The following NIBAN2 variants were observed in gnomAD, a reference collection of about 807,000 sequenced individuals.
NIBAN2 encodes niban apoptosis regulator 2.
In NIBAN2, 36 loss-of-function variants were observed where a neutral mutation model predicts 81.8. The observed-to-expected ratio is 0.44, with a 90% CI of 0.34 to 0.58. The LOEUF is 0.58. Among genes scored for constraint, NIBAN2 ranks in the 20% least tolerant of loss-of-function variants. The probability of loss-of-function intolerance (pLI) is 0.02; values close to 1 mark genes in which losing one functional copy is unlikely to be tolerated. For missense variants in NIBAN2, 897 were observed against 1,014.1 expected (o/e 0.88, Z 1.57); for synonymous variants, 445 against 441.6 (o/e 1.01, Z -0.10).
chr9:127,531,905 TCG>T (rs1324969688), intron 1 of NIBAN2, 127 bp from the exon 2 acceptor site: 1 of 1,281,782 alleles, frequency 7.8e-7, no homozygotes, highest in African/African-American at 1.5e-5. Context: ...CACAGGCTCC[TCG>T]CGCTCATCTG....
upstream of NIBAN2, among the ~76,000 whole-genome samples, chr9:127,570,887 G>C (rs529532123): frequency 1.4e-4 from 21 of 152,376 alleles, no homozygotes; most frequent in African/African-American, 4.8e-4. Flanking sequence ...GAGAGGGAAA[G>C]TGACTTGCTA....
upstream of NIBAN2, among the ~76,000 whole-genome samples, chr9:127,569,829 T>G (rs1181364931): frequency 6.6e-6 from 1 of 152,214 alleles, no homozygotes; most frequent in South Asian, 2.1e-4. Flanking sequence ...GGGAGGCGGC[T>G]TGGGGGACAG....
intron 1 of NIBAN2, among the ~76,000 whole-genome samples, chr9:127,549,193 C>T (rs2132218616): frequency 6.6e-6 from 1 of 152,318 alleles, no homozygotes; most frequent in Middle Eastern, 3.4e-3. Context: ...AACTCGGATA[C>T]ACAAACCCCA....
rs541065290 is a variant in NIBAN2 at position 127,540,194 on chromosome 9, C to T, written c.56-8416G>A. On this transcript the variant is annotated intron_variant, in intron 1 of 13. Coordinates refer to ENST00000373312, the MANE Select transcript of NIBAN2 (RefSeq NM_022833.4). ...AATCTCTGATTTTCCAAACTGACAA[C>T]GTTAAGGGCCACGCTACTTCCTGTG... Among the ~76,000 whole-genome samples, 15 of 152,268 alleles carry T rather than the reference C, an allele frequency of 9.9e-5. No homozygotes were observed. In the East Asian group the frequency reaches 1.4e-3, roughly 14 times the overall value.
intron 1 of NIBAN2, among the ~76,000 whole-genome samples, chr9:127,565,738 G>A (rs1447054358): frequency 7.0e-6 from 1 of 142,562 alleles, no homozygotes; most frequent in African/African-American, 2.7e-5. Context: ...GGCTGAGATT[G>A]TGCCACTGGA....
At chr9:127,571,567 G>A (rs1166558530), upstream of NIBAN2, among the ~76,000 whole-genome samples, 3 of 152,278 alleles carry the variant, frequency 2.0e-5, no homozygotes, top group East Asian at 3.9e-4. Flanking sequence ...ATGGTGGCAC[G>A]CGCCTGTAGT....
At chr9:127,558,108 G>A (rs1014027036) in intron 1 of NIBAN2, among the ~76,000 whole-genome samples, 1 of 152,006 alleles carries the variant, frequency 6.6e-6, no homozygotes, top group African/African-American at 2.4e-5. Context: ...AGGGGAGTGT[G>A]GCTTTGGCTT....
chr9:127,576,839 A>G (rs1416491693), intron 1 of NIBAN2, among the ~76,000 whole-genome samples: 3 of 151,372 alleles, frequency 2.0e-5, no homozygotes, highest in South Asian at 2.1e-4. Flanking sequence ...AGCCTCCCCA[A>G]GTGCCACAAC....
intron 5 of NIBAN2, among the ~76,000 whole-genome samples, chr9:127,520,750 G>A (rs909292200): frequency 2.0e-5 from 3 of 152,108 alleles, no homozygotes; most frequent in Non-Finnish European, 2.9e-5. Context: ...CAGGTGTGGT[G>A]GCACACGCCT....
Position 127,531,732 on chromosome 9 carries a change from G to T in NIBAN2, c.102C>A (p.Asp34Glu). The change falls in exon 2 of 14, where the codon GAC becomes GAA. Residue 34 changes from aspartate (D) to glutamate (E), a missense_variant. Asp to Glu is a conservative substitution (Grantham distance 45). Around this residue, in one of 3 missense-constraint regions of NIBAN2, gnomAD observed 209 missense variants for 208.4 expected, o/e 1.00. Transcript: ENST00000373312. ...TGTTGAAGAGAGCCACGCCATACTG[G>T]TCTTCATAGAACTGGAGGAACTCCG... ...ILTEFLQFYE[D>E]QYGVALFNSM... 2.5e-6 allele frequency: 4 copies of T among 1,614,186 alleles called. No homozygotes were observed. The highest frequency in any genetic ancestry group is 3.4e-6 in the Non-Finnish European group (4 of 1,180,028).
intron 1 of NIBAN2, among the ~76,000 whole-genome samples, chr9:127,562,901 G>C (rs1337898877): frequency 2.0e-5 from 3 of 152,170 alleles, no homozygotes; most frequent in Admixed American, 2.0e-4. Context: ...ACCTGGGAGA[G>C]ATGTTTACTA....
intron 5 of NIBAN2, among the ~76,000 whole-genome samples, chr9:127,519,018 T>G (rs990813227): frequency 2.6e-5 from 4 of 151,508 alleles, no homozygotes; most frequent in African/African-American, 9.7e-5. Flanking sequence ...CTACTAAAAA[T>G]ACAAAAATTA....
Position 127,517,000 on chromosome 9 carries a change from T to C in NIBAN2, c.830A>G (p.His277Arg), listed in dbSNP as rs61742100. ...CGCCTTGGCCTGCTCGTACACCATG[T>C]GGTACACGGCGTCCGAGATCTGTGG... ...QWIQISDAVY[H>R]MVYEQAKARF... is the part of the protein sequence containing the mutation. Residue 277 changes from histidine to arginine, a missense_variant, in exon 8 of 14, where the codon CAC (histidine) becomes CGC (arginine). His to Arg is a conservative substitution (Grantham distance 29). This residue lies in a region of NIBAN2 where 619 missense variants were observed against 691.0 expected (regional missense o/e 0.90). Transcript: ENST00000373312. The C allele has an allele frequency of 2.2e-3, 3,581 of 1,613,808 alleles. 44 individuals are homozygous for C. The East Asian group carries it at 0.043, about 19-fold the overall frequency.
At chr9:127,542,048 T>C (rs1837389893) in intron 1 of NIBAN2, among the ~76,000 whole-genome samples, 1 of 152,152 alleles carries the variant, frequency 6.6e-6, no homozygotes, top group South Asian at 2.1e-4. Flanking sequence ...AAGTCCTGCC[T>C]ACTCCATCCT....
chr9:127,510,336 G>A lies in NIBAN2; in HGVS notation c.974-3C>T. 1.9e-6 allele frequency: 3 copies of A among 1,590,366 alleles called. No homozygotes were observed. Among genetic ancestry groups the A allele is most frequent in the Non-Finnish European group, 2.6e-6 (3 of 1,163,372 alleles). On this transcript the variant is annotated splice_region_variant and splice_polypyrimidine_tract_variant and intron_variant, in intron 8 of 13. Transcript: ENST00000373312. ...CTCTGCCTTGGGGAGGATGAAGGCT[G>A]TGCCCCGAGGGAGCCGGGTCAGCAG... is the stretch of plus-strand genomic sequence containing the variant.
chr9:127,514,903 C>G (rs1836796447), intron 8 of NIBAN2, among the ~76,000 whole-genome samples: 1 of 152,180 alleles, frequency 6.6e-6, no homozygotes, highest in Non-Finnish European at 1.5e-5. Context: ...GCCACTCATG[C>G]CTGTAATCCC....
In NIBAN2 at chr9:127,563,133, G is replaced by A. The variant is rs1837801333; in HGVS notation, c.55+5687C>T. Among the ~76,000 whole-genome samples, 1 of 152,170 alleles carries A rather than the reference G, an allele frequency of 6.6e-6. No individual in the cohort carries two copies. The highest frequency in any genetic ancestry group is 2.1e-4 in the South Asian group (1 of 4,834). ...GAAAGGTCCCTTTGGCAGCGTGTGT[G>A]GGAAGGACTAGAGGCTCCGAGGAGG... On this transcript the variant is annotated intron_variant, in intron 1 of 13. Transcript: ENST00000373312. This position sits in a 1 kb window ranked among gnomAD's most constrained non-coding sequence, Gnocchi z 4.1.
Position 127,517,230 on chromosome 9 carries a change from G to A in NIBAN2, c.706-14C>T, listed in dbSNP as rs1321319908. ...GTTGCTCAGGATCTAGGTTGAGGAGGCACAAGCCAGGCCAGGGGCTGGAGA... is the reference window on the plus strand; with the variant it reads ...GTTGCTCAGGATCTAGGTTGAGGAGACACAAGCCAGGCCAGGGGCTGGAGA... On this transcript the variant is annotated splice_polypyrimidine_tract_variant and intron_variant, in intron 6 of 13. Coordinates refer to ENST00000373312, the MANE Select transcript of NIBAN2 (RefSeq NM_022833.4). The surrounding 1 kb of genome is among the most constrained non-coding windows in gnomAD (Gnocchi z 4.0). The A allele has an allele frequency of 1.2e-6, 2 of 1,609,978 alleles. No individual in the cohort carries two copies. Among genetic ancestry groups the A allele is most frequent in the Non-Finnish European group, 1.7e-6 (2 of 1,177,458 alleles).
intron 5 of NIBAN2, among the ~76,000 whole-genome samples, chr9:127,523,311 C>T (rs1420466924): frequency 1.4e-5 from 2 of 140,376 alleles, no homozygotes; most frequent in African/African-American, 5.3e-5. Context: ...TCATAACCCC[C>T]CTAAGACACA....
Sources: gnomAD v4.1 joint callset for allele counts (sites outside exome capture counted in the v4.1 genomes callset) on GRCh38, gnomAD v4.1.1 for gene constraint, gnomAD v4.1.1 regional missense constraint, Gnocchi (gnomAD v3.1) non-coding constraint, MANE v1.5 for transcripts, NCBI Gene and HGNC (gene_info 2026-07-23, HGNC 2026-07-21) for gene names.